CHERP: variants seen among roughly 807,000 people sequenced by gnomAD.
The protein encoded by CHERP is ERPROT 213-21.
In CHERP, 8 loss-of-function variants were observed where a neutral mutation model predicts 113.8. The ratio of observed to expected loss-of-function variants is 0.07; its 90% CI spans 0.04 to 0.13. The LOEUF is 0.13. Ranked by LOEUF, CHERP falls within the 10% of genes least tolerant of loss-of-function variation. The pLI is 1.00. For missense variants in CHERP, 884 were observed against 1,298.2 expected, an observed-to-expected ratio of 0.68 and a Z score of 4.90; for synonymous variants, 559 against 524.5, an observed-to-expected ratio of 1.07 and a Z score of -0.90.
In CHERP at chr19:16,529,752, AGCTGCTGCTGCTGCTGTT is replaced by A. The variant is rs774865934; in HGVS notation, c.1007_1024del (p.Gln336_Gln341del). Reference sequence around the variant, plus strand: ...TTCAGCCTCCATCTGCGGCATCTGGAGCTGCTGCTGCTGCTGTTGCTGCTGCTGCTGCTGCTGGGCCAG... The same window carrying A: ...TTCAGCCTCCATCTGCGGCATCTGGAGCTGCTGCTGCTGCTGCTGGGCCAG... On this transcript the variant is annotated inframe_deletion, in exon 8 of 17. Coordinates refer to ENST00000546361, the MANE Select transcript of CHERP (RefSeq NM_006387.6). 8.7e-5 allele frequency: 141 copies of A among 1,611,700 alleles called. No individual in the cohort carries two copies. Among genetic ancestry groups the A allele is most frequent in the Middle Eastern group, 3.3e-4 (2 of 5,994 alleles).
chr19:16,525,098 C>T lies in CHERP; in HGVS notation c.1741+144G>A, dbSNP rs190954066. On this transcript the variant is annotated intron_variant, in intron 10 of 16. Transcript: ENST00000546361. The surrounding 1 kb of genome is among the most constrained non-coding windows in gnomAD (Gnocchi z 6.5). The stretch of plus-strand genomic sequence containing the variant: ...GCCCCCACTTCCTGAGAACCCAGGC[C>T]GGGCTCCTCGGACGTCCCATGACCC... 4 of 768,706 alleles carry T rather than the reference C, an allele frequency of 5.2e-6. No homozygotes were observed. The East Asian group carries it at 1.0e-4, about 19-fold the overall frequency. 47.6% of individuals were successfully genotyped at this position (768,706 alleles called of 1,614,324 possible). A position where few individuals can be genotyped will look rare whatever the true frequency, so the allele number is the denominator to read the frequency against.
chr19:16,528,538 A>AT (rs2085672355), intron 8 of CHERP, among the ~76,000 whole-genome samples: 1 of 152,210 alleles, frequency 6.6e-6, no homozygotes, highest in Non-Finnish European at 1.5e-5. Context: ...TCCACACTGA[A>AT]TTTGATTAGA....
At position 16,520,187 on chromosome 19, in the gene CHERP, T is replaced by A; in HGVS notation, c.2424A>T (p.Gly808=). 1 of 1,613,186 alleles carries A rather than the reference T, an allele frequency of 6.2e-7. No homozygotes were observed. Among genetic ancestry groups the A allele is most frequent in the African/African-American group, 1.3e-5 (1 of 75,016 alleles). Residue 808 remains glycine (G), a synonymous_variant, in exon 15 of 17, where the codon GGA becomes GGT. Coordinates refer to ENST00000546361, the MANE Select transcript of CHERP (RefSeq NM_006387.6). This position sits in a 1 kb window ranked among gnomAD's most constrained non-coding sequence, Gnocchi z 4.0. ...SRSRSKSYSP[G]RRRRSRSRSP... is the part of the protein sequence containing the mutation. ...TCCTGGACCGTGACCGGCGTCTTCT[T>A]CCTGGGGAGTACGACTTGGACCGGG...
At position 16,525,786 on chromosome 19, in the gene CHERP, G is replaced by A; in HGVS notation, c.1306-109C>T. 2 of 1,090,738 alleles carry A rather than the reference G, an allele frequency of 1.8e-6. No individual in the cohort carries two copies. The highest frequency in any genetic ancestry group is 2.5e-6 in the Non-Finnish European group (2 of 804,682). 67.6% of individuals were successfully genotyped at this position (1,090,738 alleles called of 1,614,324 possible). A position where few individuals can be genotyped will look rare whatever the true frequency, so the allele number is the denominator to read the frequency against. On this transcript the variant is annotated intron_variant, in intron 9 of 16. Transcript: ENST00000546361. This position sits in a 1 kb window ranked among gnomAD's most constrained non-coding sequence, Gnocchi z 6.5. Reference sequence around the variant, plus strand: ...CGCTGGCTCAGACCATGGAGGCGCTGCCCTGGCCACGTTGAGGCGCCTCCT... The same window carrying A: ...CGCTGGCTCAGACCATGGAGGCGCTACCCTGGCCACGTTGAGGCGCCTCCT...
Position 16,525,472 on chromosome 19 carries a change from G to C in CHERP, c.1511C>G (p.Pro504Arg). The part of the protein sequence containing the change: ...GPWNSQHEQP[P>R]WGGGQREPPF... The stretch of plus-strand genomic sequence containing the variant: ...TGGCTCGCGCTGGCCCCCGCCCCAG[G>C]GCGGCTGCTCGTGCTGGCTGTTCCA... The change falls in exon 10 of 17, where the codon CCC becomes CGC. Residue 504 changes from proline to arginine, a missense_variant. Pro to Arg is a moderately radical substitution (Grantham distance 103, BLOSUM62 -2). This residue lies in a region of CHERP where 464 missense variants were observed against 590.1 expected (regional missense o/e 0.79). Transcript: ENST00000546361. This position sits in a 1 kb window ranked among gnomAD's most constrained non-coding sequence, Gnocchi z 6.5. 6.4e-7 allele frequency: 1 copy of C among 1,552,402 alleles called. No individual in the cohort carries two copies. The highest frequency in any genetic ancestry group is 8.7e-7 in the Non-Finnish European group (1 of 1,149,186).
At chr19:16,524,939 C>T (rs2122254040) in intron 10 of CHERP, among the ~76,000 whole-genome samples, 1 of 152,180 alleles carries the variant, frequency 6.6e-6, no homozygotes, top group East Asian at 1.9e-4. Context: ...ATGCAAAAAA[C>T]AAGCAGCAGC....
chr19:16,525,300 G>A lies in CHERP; in HGVS notation c.1683C>T (p.Pro561=), dbSNP rs1485531639. The change falls in exon 10 of 17, where the codon CCC becomes CCT. Residue 561 remains proline, a synonymous_variant. Coordinates refer to ENST00000546361, the MANE Select transcript of CHERP (RefSeq NM_006387.6). The surrounding 1 kb of genome is among the most constrained non-coding windows in gnomAD (Gnocchi z 6.5). ...GGTGGGGATAGGGCGGCCGCTCGAAGGGGTGCCGTGGCGGGAAGTCGTCCT... is the reference window on the plus strand; with the variant it reads ...GGTGGGGATAGGGCGGCCGCTCGAAAGGGTGCCGTGGCGGGAAGTCGTCCT... The part of the protein sequence containing the change: ...FMQDDFPPRH[P]FERPPYPHRF... 12 of 1,452,212 alleles carry A rather than the reference G, an allele frequency of 8.3e-6. No homozygotes were observed. Among genetic ancestry groups the A allele is most frequent in the Non-Finnish European group, 1.1e-5 (12 of 1,100,962 alleles). 90.0% of individuals were successfully genotyped at this position (1,452,212 alleles called of 1,614,324 possible). A position where few individuals can be genotyped will look rare whatever the true frequency, so the allele number is the denominator to read the frequency against.
At chr19:16,521,237 C>G in intron 12 of CHERP, 1 of 570,188 alleles carries the variant, frequency 1.8e-6, no homozygotes, top group Non-Finnish European at 3.1e-6. Context: ...GAGGGGTGAC[C>G]ACTGGGAAGG....
In CHERP at chr19:16,520,304, C is replaced by T. The variant is rs779871724; in HGVS notation, c.2346-39G>A. 2.9e-5 allele frequency: 46 copies of T among 1,610,964 alleles called. No homozygotes were observed. Among genetic ancestry groups the T allele is most frequent in the Middle Eastern group, 3.3e-4 (2 of 6,056 alleles). ...TGCCCAAGGGTCAGCAGCAGCCAGGCGTCGTGGGGAGGCCACAGGAAGAGG... is the reference window on the plus strand; with the variant it reads ...TGCCCAAGGGTCAGCAGCAGCCAGGTGTCGTGGGGAGGCCACAGGAAGAGG... On this transcript the variant is annotated intron_variant, in intron 14 of 16. Transcript: ENST00000546361. The surrounding 1 kb of genome is among the most constrained non-coding windows in gnomAD (Gnocchi z 4.0).
rs372810351 is a variant in CHERP, at chr19:16,519,366, C to G, written c.2558-14G>C. Reference sequence around the variant, plus strand: ...AGCCGCTCCAGCCTGGAAACAGAGACGCAGTCACAACCACAACAAGGCGGA... The same window carrying G: ...AGCCGCTCCAGCCTGGAAACAGAGAGGCAGTCACAACCACAACAAGGCGGA... On this transcript the variant is annotated splice_polypyrimidine_tract_variant and intron_variant, in intron 16 of 16. Coordinates refer to ENST00000546361, the MANE Select transcript of CHERP (RefSeq NM_006387.6). This position sits in a 1 kb window ranked among gnomAD's most constrained non-coding sequence, Gnocchi z 6.0. 6.2e-7 allele frequency: 1 copy of G among 1,607,622 alleles called. No individual in the cohort carries two copies. Among genetic ancestry groups the G allele is most frequent in the South Asian group, 1.1e-5 (1 of 90,668 alleles).
In CHERP at chr19:16,528,182, T is replaced by A. The variant is rs770877734; in HGVS notation, c.1203A>T (p.Ala401=). 1.2e-6 allele frequency: 2 copies of A among 1,613,080 alleles called. No individual in the cohort carries two copies. Among genetic ancestry groups the A allele is most frequent in the East Asian group, 2.2e-5 (1 of 44,854 alleles). ...GCCCGGGGCCCCGGGGGCCGGCAGC[T>A]GCAGGATCCTGGACCCCTCCTGGAG... is the stretch of plus-strand genomic sequence containing the variant. ...YEAPGGVQDP[A]AAGPRGPGPH... Residue 401 remains alanine, a synonymous_variant, in exon 9 of 17, where the codon GCA becomes GCT. Coordinates refer to ENST00000546361, the MANE Select transcript of CHERP (RefSeq NM_006387.6).
At position 16,523,390 on chromosome 19, in the gene CHERP, C is replaced by G. The variant is rs1202318588; in HGVS notation, c.1742-100G>C. On this transcript the variant is annotated intron_variant, in intron 10 of 16. Coordinates refer to ENST00000546361, the MANE Select transcript of CHERP (RefSeq NM_006387.6). This position sits in a 1 kb window ranked among gnomAD's most constrained non-coding sequence, Gnocchi z 4.0. ...GCTCAGTGAAGGGCCAGGAGACGAA[C>G]CCCTCCTGGGAGCCTGTCCAGCATC... 2.2e-6 allele frequency: 3 copies of G among 1,394,020 alleles called. No individual in the cohort carries two copies. The African/African-American group carries it at 4.4e-5, about 21-fold the overall frequency. The allele number at this position is 1,394,020 out of a possible 1,614,324, so 86.4% of individuals were successfully genotyped here.
chr19:16,532,919 G>A lies in CHERP; in HGVS notation c.522+92C>T. 6.6e-7 allele frequency: 1 copy of A among 1,518,386 alleles called. No individual in the cohort carries two copies. Among genetic ancestry groups the A allele is most frequent in the Non-Finnish European group, 8.9e-7 (1 of 1,125,432 alleles). The allele number at this position is 1,518,386 out of a possible 1,614,324, so 94.1% of individuals were successfully genotyped here. ...CAGGCGGGAGGGAAGGGCACCCATTGTAACAGCCCTTAGCCCAGATTGGCT... is the reference window on the plus strand; with the variant it reads ...CAGGCGGGAGGGAAGGGCACCCATTATAACAGCCCTTAGCCCAGATTGGCT... On this transcript the variant is annotated intron_variant, in intron 4 of 16. Coordinates refer to ENST00000546361, the MANE Select transcript of CHERP (RefSeq NM_006387.6). The surrounding 1 kb of genome is among the most constrained non-coding windows in gnomAD (Gnocchi z 4.4).
chr19:16,518,806 G>A lies in CHERP; in HGVS notation c.*353C>T, dbSNP rs111525430. ...TGCACATGCTCCTCCTGGAGCCTAGGAGGAGGCTTCAATCTGACTTAGGGC... is the reference window on the plus strand; with the variant it reads ...TGCACATGCTCCTCCTGGAGCCTAGAAGGAGGCTTCAATCTGACTTAGGGC... On this transcript the variant is annotated 3_prime_UTR_variant, in exon 17 of 17. Transcript: ENST00000546361. 760 of 280,312 alleles carry A rather than the reference G, an allele frequency of 2.7e-3. 4 individuals are homozygous for A. The highest frequency in any genetic ancestry group is 0.016 in the African/African-American group (693 of 43,464). 17.4% of individuals were successfully genotyped at this position (280,312 alleles called of 1,614,324 possible).
In CHERP at chr19:16,520,574, C is replaced by T. The variant is rs1040724590; in HGVS notation, c.2202-67G>A. 3 of 1,554,920 alleles carry T rather than the reference C, an allele frequency of 1.9e-6. No individual in the cohort carries two copies. In the African/African-American group the frequency reaches 4.1e-5, roughly 21 times the overall value. ...GCTGCACCCAGCCCACCCTGGCCCT[C>T]AGGTTCCTAGACCACCCCAGATGCA... On this transcript the variant is annotated intron_variant, in intron 13 of 16. Coordinates refer to ENST00000546361, the MANE Select transcript of CHERP (RefSeq NM_006387.6). The surrounding 1 kb of genome is among the most constrained non-coding windows in gnomAD (Gnocchi z 4.0).
rs780146739 is a variant in CHERP, at chr19:16,520,125, G to A, written c.2462+24C>T. The A allele has an allele frequency of 1.3e-5, 21 of 1,603,804 alleles. No individual in the cohort carries two copies. The highest frequency in any genetic ancestry group is 6.7e-5 in the East Asian group (3 of 44,848). ...ACCGCAGCTTCCCAGAGTTACCAGCGCAGCACTTAAGACAGGATCTTACGG... is the reference window on the plus strand; with the variant it reads ...ACCGCAGCTTCCCAGAGTTACCAGCACAGCACTTAAGACAGGATCTTACGG... On this transcript the variant is annotated intron_variant, in intron 15 of 16. Transcript: ENST00000546361. This position sits in a 1 kb window ranked among gnomAD's most constrained non-coding sequence, Gnocchi z 4.0.
chr19:16,520,020 T>C lies in CHERP; in HGVS notation c.2462+129A>G. On this transcript the variant is annotated intron_variant, in intron 15 of 16. Transcript: ENST00000546361. This position sits in a 1 kb window ranked among gnomAD's most constrained non-coding sequence, Gnocchi z 4.0. ...GGCTACTGTGGTGAAGGGTGAGGGGTGCCACTGTCCCCGGGCTAATGCTGG... is the reference window on the plus strand; with the variant it reads ...GGCTACTGTGGTGAAGGGTGAGGGGCGCCACTGTCCCCGGGCTAATGCTGG... 2 of 962,186 alleles carry C rather than the reference T, an allele frequency of 2.1e-6. No individual in the cohort carries two copies. The highest frequency in any genetic ancestry group is 3.2e-6 in the Non-Finnish European group (2 of 626,462). The allele number at this position is 962,186 out of a possible 1,614,324, so 59.6% of individuals were successfully genotyped here. A position where few individuals can be genotyped will look rare whatever the true frequency, so the allele number is the denominator to read the frequency against.
intron 9 of CHERP, chr19:16,526,051 G>C (rs1408991059): frequency 1.3e-5 from 3 of 239,352 alleles, no homozygotes; most frequent in Non-Finnish European, 2.4e-5. Flanking sequence ...AGACGGTATC[G>C]CTTCTCAGGG....
intron 1 of CHERP, 106 bp from the exon 2 acceptor site, chr19:16,542,149 TGGGC>T (rs2085784512): frequency 7.4e-7 from 1 of 1,345,164 alleles, no homozygotes; most frequent in South Asian, 1.5e-5. Flanking sequence ...CCCAAGGGGG[TGGGC>T]CCCGAAGAGG....
Sources: allele counts gnomAD v4.1 joint callset (sites outside exome capture counted in the v4.1 genomes callset), GRCh38; gene constraint gnomAD v4.1.1; regional missense constraint gnomAD v4.1.1; non-coding constraint Gnocchi (gnomAD v3.1); transcripts MANE v1.5; gene names NCBI Gene and HGNC (gene_info 2026-07-23, HGNC 2026-07-21).